SLC25A21: variants seen among roughly 807,000 people sequenced by gnomAD.
SLC25A21 encodes the protein mitochondrial 2-oxodicarboxylate carrier.
In SLC25A21, 47 loss-of-function variants were observed where a neutral mutation model predicts 43.8. The ratio of observed to expected loss-of-function variants is 1.07; its 90% CI spans 0.85 to 1.37. The LOEUF is 1.37. Among genes scored for constraint, SLC25A21 ranks in the 40% most tolerant of loss-of-function variants. The pLI is 0.00. For synonymous variants in SLC25A21, 131 were observed against 121.3 expected (o/e 1.08, Z -0.52); for missense variants, 352 against 350.2 (o/e 1.00, Z -0.04).
chr14:37,004,007 G>A (rs1005881120), intron 1 of SLC25A21, among the ~76,000 whole-genome samples: 51 of 152,184 alleles, frequency 3.4e-4, no homozygotes, highest in South Asian at 1.5e-3. Flanking sequence ...TGGTGGGAAT[G>A]AGAACTCACC....
intron 6 of SLC25A21, among the ~76,000 whole-genome samples, chr14:36,723,085 A>AATT (rs1884440151): frequency 6.6e-6 from 1 of 152,230 alleles, no homozygotes; most frequent in African/African-American, 2.4e-5. Context: ...TTGTTGGATA[A>AATT]AAGAAGGAGC....
intron 3 of SLC25A21, among the ~76,000 whole-genome samples, chr14:36,741,959 A>C (rs1218754777): frequency 6.6e-6 from 1 of 152,216 alleles, no homozygotes; most frequent in Non-Finnish European, 1.5e-5. Flanking sequence ...GTTCTGGGCA[A>C]TGATTCAAGC....
intron 3 of SLC25A21, among the ~76,000 whole-genome samples, chr14:36,782,498 A>AGCCT (rs1887101184): frequency 6.6e-6 from 1 of 152,072 alleles, no homozygotes; most frequent in Non-Finnish European, 1.5e-5. Context: ...TGTTTCTTGA[A>AGCCT]GCCTGGTATT....
At chr14:36,834,125 AG>A (rs1317010920) in intron 2 of SLC25A21, among the ~76,000 whole-genome samples, 10 of 152,350 alleles carry the variant, frequency 6.6e-5, no homozygotes, top group African/African-American at 2.4e-4. Context: ...GGGAAATAAT[AG>A]CAACCTAAGA....
intron 1 of SLC25A21, among the ~76,000 whole-genome samples, chr14:36,906,358 A>C (rs190502271): frequency 1.3e-5 from 2 of 152,324 alleles, no homozygotes; most frequent in Non-Finnish European, 2.9e-5. Context: ...ATTTATATTT[A>C]AATCAATAGA....
chr14:36,786,910 T>G (rs1350820539), intron 3 of SLC25A21, among the ~76,000 whole-genome samples: 1 of 152,164 alleles, frequency 6.6e-6, no homozygotes, highest in Admixed American at 6.5e-5. Context: ...TTAGAGCTGA[T>G]GGAGGTGAGG....
chr14:37,135,017 T>A (rs1229418906), intron 1 of SLC25A21, among the ~76,000 whole-genome samples: 1 of 150,618 alleles, frequency 6.6e-6, no homozygotes, highest in Non-Finnish European at 1.5e-5. Context: ...AGCCTCCACC[T>A]CACAGGTTCA....
chr14:36,711,989 A>G (rs1883898026), intron 6 of SLC25A21, among the ~76,000 whole-genome samples: 1 of 152,232 alleles, frequency 6.6e-6, no homozygotes, highest in Non-Finnish European at 1.5e-5. Context: ...TAAATTGGCC[A>G]TAAATAAATA....
At chr14:36,803,114 G>T (rs1350952054) in intron 3 of SLC25A21, among the ~76,000 whole-genome samples, 1 of 152,158 alleles carries the variant, frequency 6.6e-6, no homozygotes, top group Non-Finnish European at 1.5e-5. Context: ...CTCTAATGAA[G>T]TAATATCTTA....
chr14:36,891,095 G>A (rs1195919256), intron 1 of SLC25A21, among the ~76,000 whole-genome samples: 1 of 152,100 alleles, frequency 6.6e-6, no homozygotes, highest in Non-Finnish European at 1.5e-5. Flanking sequence ...ACCAACGAAT[G>A]AAAAACCTAT....
chr14:36,716,580 A>T (rs1884145257), intron 6 of SLC25A21, among the ~76,000 whole-genome samples: 1 of 152,144 alleles, frequency 6.6e-6, no homozygotes, highest in Non-Finnish European at 1.5e-5. Flanking sequence ...GAGAGAGAAG[A>T]TCCTTGGTGT....
chr14:36,832,710 A>G (rs1252071977), intron 2 of SLC25A21, among the ~76,000 whole-genome samples: 1 of 152,156 alleles, frequency 6.6e-6, no homozygotes, highest in Non-Finnish European at 1.5e-5. Flanking sequence ...ACAAAATTTT[A>G]TTGCCTGTTT....
chr14:37,005,561 C>G (rs149583332), intron 1 of SLC25A21, among the ~76,000 whole-genome samples: 1 of 152,286 alleles, frequency 6.6e-6, no homozygotes, highest in East Asian at 1.9e-4. Context: ...ATTGAGTTCA[C>G]TTATATAGTT....
intron 2 of SLC25A21, among the ~76,000 whole-genome samples, chr14:36,824,650 T>C (rs1888757120): frequency 6.6e-6 from 1 of 152,048 alleles, no homozygotes; most frequent in Admixed American, 6.6e-5. Flanking sequence ...AGGAAGCAGT[T>C]TTCTGCTTCC....
chr14:36,889,245 C>T (rs982868583), intron 1 of SLC25A21, among the ~76,000 whole-genome samples: 2 of 152,150 alleles, frequency 1.3e-5, no homozygotes, highest in Non-Finnish European at 2.9e-5. Flanking sequence ...AGTTTAATCA[C>T]ACAAGATTTC....
intron 1 of SLC25A21, among the ~76,000 whole-genome samples, chr14:36,948,463 C>A (rs1332847315): frequency 6.6e-6 from 1 of 152,004 alleles, no homozygotes; most frequent in African/African-American, 2.4e-5. Flanking sequence ...TAGTAATAAG[C>A]AGAGAACAGA....
At chr14:36,928,702 T>G (rs1427394867) in intron 1 of SLC25A21, among the ~76,000 whole-genome samples, 1 of 152,094 alleles carries the variant, frequency 6.6e-6, no homozygotes, top group Non-Finnish European at 1.5e-5. Context: ...CAGCTAAACG[T>G]TTTCAAATCC....
chr14:36,972,409 A>C (rs1462409357), intron 1 of SLC25A21, among the ~76,000 whole-genome samples: 1 of 152,218 alleles, frequency 6.6e-6, no homozygotes, highest in Non-Finnish European at 1.5e-5. Context: ...AGGAAAATAT[A>C]AGAATAATTA....
chr14:37,127,579 C>T (rs2138900487), intron 1 of SLC25A21, among the ~76,000 whole-genome samples: 1 of 152,198 alleles, frequency 6.6e-6, no homozygotes, highest in East Asian at 1.9e-4. Flanking sequence ...ACTGTTGGCA[C>T]AAAGTTGAAA....
Sources: gnomAD v4.1 joint callset for allele counts (sites outside exome capture counted in the v4.1 genomes callset) on GRCh38, gnomAD v4.1.1 for gene constraint, MANE v1.5 for transcripts, NCBI Gene and HGNC (gene_info 2026-07-23, HGNC 2026-07-21) for gene names.